The following WHRN variants were observed in gnomAD, a reference collection of about 807,000 sequenced individuals.
WHRN encodes whirlin, also known as CASK-interacting protein CIP98.
Under a neutral mutation model 68.3 loss-of-function variants are expected in WHRN, and 41 were observed. The ratio of observed to expected loss-of-function variants is 0.60; its 90% CI spans 0.47 to 0.78. The LOEUF (loss-of-function observed/expected upper bound fraction) is 0.78. Among genes scored for constraint, WHRN ranks in the 30% least tolerant of loss-of-function variants. The pLI, the probability that WHRN is intolerant of heterozygous loss-of-function variation, is 0.00. For synonymous variants in WHRN, 560 were observed against 561.3 expected, an observed-to-expected ratio of 1.00 and a Z score of 0.03; for missense variants, 1,243 against 1,244.7, an observed-to-expected ratio of 1.00 and a Z score of 0.02.
In WHRN at chr9:114,505,379, C is replaced by T. The variant is rs1434473896; in HGVS notation, c.-578G>A. 11 of 151,086 alleles carry T rather than the reference C, an allele frequency of 7.3e-5. No homozygotes were observed. Among genetic ancestry groups the T allele is most frequent in the African/African-American group, 2.7e-4 (11 of 41,172 alleles). The allele number at this position is 151,086 out of a possible 1,614,324, so 9.4% of individuals were successfully genotyped here. ...GGGTGCGGGGCATGTCCGGGGCAGC[C>T]CCGGGATGCAGCCGCCCGGGGAGCC... On this transcript the variant is annotated 5_prime_UTR_variant, in exon 1 of 12. Transcript: ENST00000362057.
rs911183609 is a variant in WHRN, at chr9:114,453,745, G to A, written c.963+12522C>T. ...ATATATTACATGTCCAAAAAATGGA[G>A]TTTATAGTTAAATCATCTCCCCCAA... On this transcript the variant is annotated intron_variant, in intron 3 of 11. Coordinates refer to ENST00000362057, the MANE Select transcript of WHRN (RefSeq NM_015404.4). Among the ~76,000 whole-genome samples the A allele has an allele frequency of 6.6e-5, 10 of 151,582 alleles. No individual in the cohort carries two copies. In the South Asian group the frequency reaches 2.1e-3, roughly 31 times the overall value.
intron 7 of WHRN, among the ~76,000 whole-genome samples, chr9:114,412,780 G>T (rs1463457883): frequency 1.3e-5 from 2 of 152,208 alleles, no homozygotes; most frequent in African/African-American, 2.4e-5. Context: ...ATGAAGAGGG[G>T]CAACCTTTGC....
chr9:114,493,720 GA>G (rs968120595), intron 1 of WHRN, among the ~76,000 whole-genome samples: 20 of 152,118 alleles, frequency 1.3e-4, no homozygotes, highest in Non-Finnish European at 2.2e-4. Flanking sequence ...GAGGAAAAAG[GA>G]AAAAAACAAA....
intron 3 of WHRN, among the ~76,000 whole-genome samples, chr9:114,452,591 G>A (rs1468753921): frequency 6.6e-6 from 1 of 152,228 alleles, no homozygotes; most frequent in Non-Finnish European, 1.5e-5. Flanking sequence ...ATTTTTGTTT[G>A]AGAAGTGTGA....
intron 1 of WHRN, among the ~76,000 whole-genome samples, chr9:114,486,924 TAGA>T (rs780311316): frequency 0.022 from 1,333 of 59,528 alleles, 42 homozygotes; most frequent in South Asian, 0.14. Context: ...TGTGTGTGTG[TAGA>T]GTGTGTGTGT....
At position 114,434,224 on chromosome 9, in the gene WHRN, C is replaced by T. The variant is rs1174017148; in HGVS notation, c.964-7811G>A. ...GCACCGCCTGAGACATGGAAGGGTC[C>T]GTGTTTCATAGATGACAGCAGTGAG... On this transcript the variant is annotated intron_variant, in intron 3 of 11. Coordinates refer to ENST00000362057, the MANE Select transcript of WHRN (RefSeq NM_015404.4). Among the ~76,000 whole-genome samples, 3 of 152,114 alleles carry T rather than the reference C, an allele frequency of 2.0e-5. No individual in the cohort carries two copies. In the South Asian group the frequency reaches 6.2e-4, roughly 32 times the overall value.
chr9:114,489,530 ACACAC>A (rs975200339), intron 1 of WHRN, among the ~76,000 whole-genome samples: 8 of 151,926 alleles, frequency 5.3e-5, no homozygotes, highest in Admixed American at 5.3e-4. Context: ...ACACACACAC[ACACAC>A]ACTTTCCAAG....
At chr9:114,448,515 C>G (rs1212171823) in intron 3 of WHRN, among the ~76,000 whole-genome samples, 1 of 152,152 alleles carries the variant, frequency 6.6e-6, no homozygotes, top group Non-Finnish European at 1.5e-5. Context: ...CTTGAAACTG[C>G]CTGGACTTGT....
Position 114,466,342 on chromosome 9 carries a change from C to T in WHRN, c.888G>A (p.Gly296=). 6.2e-7 allele frequency: 1 copy of T among 1,614,174 alleles called. No individual in the cohort carries two copies. Among genetic ancestry groups the T allele is most frequent in the Non-Finnish European group, 8.5e-7 (1 of 1,180,040 alleles). Residue 296 remains glycine (G), a synonymous_variant, in exon 3 of 12, where the codon GGG becomes GGA. Coordinates refer to ENST00000362057, the MANE Select transcript of WHRN (RefSeq NM_015404.4). ...AAATGCCAAGGCCGTACTCAGCTCC[C>T]CCACGGATCGTGAGGCCCAGGGACC... ...DGRSLGLTIR[G]GAEYGLGIYI...
chr9:114,403,781 CA>C, intron 10 of WHRN, 114 bp downstream of exon 10: 2 of 1,293,504 alleles, frequency 1.5e-6, no homozygotes, highest in African/African-American at 2.9e-5. Flanking sequence ...ATAGGGAGCT[CA>C]CTACCTCCCT....
chr9:114,453,964 T>C (rs1003333604), intron 3 of WHRN, among the ~76,000 whole-genome samples: 4 of 152,220 alleles, frequency 2.6e-5, no homozygotes, highest in Non-Finnish European at 4.4e-5. Context: ...GGATAATTTA[T>C]CACAACCAAG....
chr9:114,407,919 A>G (rs1316442159), intron 8 of WHRN, 28 bp downstream of exon 8: 1 of 1,579,124 alleles, frequency 6.3e-7, no homozygotes, highest in African/African-American at 1.3e-5. Context: ...CAGGGAGAGC[A>G]GAACCAAAGG....
intron 1 of WHRN, among the ~76,000 whole-genome samples, chr9:114,488,005 T>C (rs969337131): frequency 6.6e-6 from 1 of 152,224 alleles, no homozygotes; most frequent in Admixed American, 6.5e-5. Flanking sequence ...CCTAAAGCAC[T>C]GCAAAGCACC....
chr9:114,435,092 G>C (rs1378651163), intron 3 of WHRN, among the ~76,000 whole-genome samples: 1 of 152,030 alleles, frequency 6.6e-6, no homozygotes. Context: ...CCTCCTCCAA[G>C]AAGCCTTCTC....
chr9:114,448,819 G>A (rs552681802), intron 3 of WHRN, among the ~76,000 whole-genome samples: 28 of 152,182 alleles, frequency 1.8e-4, no homozygotes, highest in Non-Finnish European at 3.5e-4. Flanking sequence ...TCCAGCTGCG[G>A]CTGCAGACAT....
chr9:114,411,863 G>A (rs548114998), intron 7 of WHRN, among the ~76,000 whole-genome samples: 4 of 152,250 alleles, frequency 2.6e-5, no homozygotes, highest in South Asian at 2.1e-4. Context: ...TCACCCCAAC[G>A]CCCATACTAC....
chr9:114,402,631 G>A lies in WHRN; in HGVS notation c.*123C>T. 8.2e-7 allele frequency: 1 copy of A among 1,218,352 alleles called. No individual in the cohort carries two copies. Among genetic ancestry groups the A allele is most frequent in the East Asian group, 2.3e-5 (1 of 42,942 alleles). The allele number at this position is 1,218,352 out of a possible 1,614,324, so 75.5% of individuals were successfully genotyped here. On this transcript the variant is annotated 3_prime_UTR_variant, in exon 12 of 12. Coordinates refer to ENST00000362057, the MANE Select transcript of WHRN (RefSeq NM_015404.4). ...GGTCCAGTGGGCTGGGATGGAGGGG[G>A]GATGTCTTCCTGCCACCCTGGCCAT...
intron 1 of WHRN, among the ~76,000 whole-genome samples, chr9:114,496,392 T>C (rs1843460778): frequency 6.6e-6 from 1 of 152,140 alleles, no homozygotes. Flanking sequence ...ATAGGAGCAA[T>C]TACGTTTTTA....
intron 8 of WHRN, among the ~76,000 whole-genome samples, chr9:114,407,275 G>T (rs963683137): frequency 4.6e-5 from 7 of 152,204 alleles, no homozygotes; most frequent in Admixed American, 3.3e-4. Flanking sequence ...GAGGCAAGAG[G>T]TATGAAAGGA....
Sources: gnomAD v4.1 joint callset for allele counts (sites outside exome capture counted in the v4.1 genomes callset) on GRCh38, gnomAD v4.1.1 for gene constraint, MANE v1.5 for transcripts, NCBI Gene and HGNC (gene_info 2026-07-23, HGNC 2026-07-21) for gene names.